The following FAM234A variants were observed in gnomAD, a reference collection of about 807,000 sequenced individuals.
FAM234A encodes the protein family with sequence similarity 234 member A.
Under a neutral mutation model 49.1 loss-of-function variants are expected in FAM234A, and 42 were observed. That is an observed-to-expected ratio of 0.86 (90% CI 0.67 to 1.11). The LOEUF (loss-of-function observed/expected upper bound fraction) is 1.11. FAM234A is among the 50% of genes least tolerant of loss of function. The probability of loss-of-function intolerance (pLI) is 0.00; values close to 1 mark genes in which losing one functional copy is unlikely to be tolerated. For missense variants in FAM234A, 815 were observed against 745.2 expected (o/e 1.09, Z -1.09); for synonymous variants, 369 against 316.2 (o/e 1.17, Z -1.77).
chr16:247,398 G>A, intron 1 of FAM234A, among the ~76,000 whole-genome samples: 1 of 151,624 alleles, frequency 6.6e-6, no homozygotes, highest in South Asian at 2.1e-4. Flanking sequence ...CAAAGTGCTG[G>A]GATTATAGAC....
At chr16:261,792 C>T (rs1056073102) in intron 6 of FAM234A, among the ~76,000 whole-genome samples, 6 of 152,230 alleles carry the variant, frequency 3.9e-5, no homozygotes, top group African/African-American at 1.4e-4. Context: ...GGGCTGGGAG[C>T]ACCTGTGAGG....
chr16:238,986 G>GCAGGAGAGTTGTTTGAACC (rs2050513021), intron 1 of FAM234A, among the ~76,000 whole-genome samples: 1 of 147,316 alleles, frequency 6.8e-6, no homozygotes, highest in Non-Finnish European at 1.5e-5. Flanking sequence ...GGAGGCTGAG[G>GCAGGAGAGTTGTTTGAACC]CAGGAGAGTT....
intron 1 of FAM234A, among the ~76,000 whole-genome samples, chr16:239,259 C>T (rs1054874373): frequency 4.4e-5 from 6 of 137,832 alleles, no homozygotes; most frequent in Non-Finnish European, 4.6e-5. Context: ...GAGATTGCAC[C>T]ACTACATTCC....
At chr16:235,145 CAT>C (rs1210909161) in intron 1 of FAM234A, among the ~76,000 whole-genome samples, 1 of 152,260 alleles carries the variant, frequency 6.6e-6, no homozygotes, top group Non-Finnish European at 1.5e-5. Context: ...AACAAGCCCA[CAT>C]GTTCCTCAAA....
chr16:268,912 T>G, downstream of FAM234A: 6 of 1,550,446 alleles, frequency 3.9e-6, no homozygotes, highest in Non-Finnish European at 5.2e-6. Context: ...GCTGGCTGAT[T>G]TACTGGTTTT....
At chr16:264,474 C>T in intron 11 of FAM234A, 140 bp from the exon 12 acceptor site, 1 of 723,976 alleles carries the variant, frequency 1.4e-6, no homozygotes, top group Non-Finnish European at 2.3e-6. Context: ...GAGGTGGCCA[C>T]AGAACTGGGG....
downstream of FAM234A, chr16:268,633 C>T (rs1303508830): frequency 6.3e-5 from 48 of 760,238 alleles, no homozygotes; most frequent in Admixed American, 5.7e-4. Context: ...GGGGAGGCCG[C>T]GGCCTCGAGG....
chr16:253,501 G>C lies in FAM234A; in HGVS notation c.-33-880G>C, dbSNP rs1447641163. Reference sequence around the variant, plus strand: ...ATTTAATTTTTTTTTTTGAGACGGAGTGTCACTCTGTCGCCCAGGCTGGAG... The same window carrying C: ...ATTTAATTTTTTTTTTTGAGACGGACTGTCACTCTGTCGCCCAGGCTGGAG... On this transcript the variant is annotated intron_variant, in intron 2 of 12. Transcript: ENST00000399932. Among the ~76,000 whole-genome samples, 7 of 151,314 alleles carry C rather than the reference G, an allele frequency of 4.6e-5. No individual in the cohort carries two copies. In the East Asian group the frequency reaches 1.4e-3, roughly 29 times the overall value.
intron 3 of FAM234A, among the ~76,000 whole-genome samples, chr16:257,892 C>A (rs1350353816): frequency 6.6e-6 from 1 of 151,958 alleles, no homozygotes; most frequent in African/African-American, 2.4e-5. Flanking sequence ...GAGTCTCGCT[C>A]TGTCGCCCAG....
rs1042505157 is a variant in FAM234A, at chr16:265,197, T to G, written c.*175T>G. 1 of 1,417,470 alleles carries G rather than the reference T, an allele frequency of 7.1e-7. No individual in the cohort carries two copies. Among genetic ancestry groups the G allele is most frequent in the Non-Finnish European group, 9.2e-7 (1 of 1,089,654 alleles). 87.8% of individuals were successfully genotyped at this position (1,417,470 alleles called of 1,614,324 possible). A position where few individuals can be genotyped will look rare whatever the true frequency, so the allele number is the denominator to read the frequency against. On this transcript the variant is annotated 3_prime_UTR_variant, in exon 13 of 13. Coordinates refer to ENST00000399932, the MANE Select transcript of FAM234A (RefSeq NM_032039.4). ...CCATGATCACACCCAGGGACCTGCA[T>G]GGGTGAGGGGACACCCTGGGCCTCT...
In FAM234A at chr16:261,403, C is replaced by G. The variant is rs1468063267; in HGVS notation, c.597C>G (p.His199Gln). The G allele has an allele frequency of 6.2e-7, 1 of 1,612,574 alleles. No individual in the cohort carries two copies. Among genetic ancestry groups the G allele is most frequent in the Non-Finnish European group, 8.5e-7 (1 of 1,179,094 alleles). ...TTCTAGGGGAAACCCTGTGGAACCACAGCAGCAGCTTCAGCGGGAATGCGT... is the reference window on the plus strand; with the variant it reads ...TTCTAGGGGAAACCCTGTGGAACCAGAGCAGCAGCTTCAGCGGGAATGCGT... The part of the protein sequence containing the change: ...NLFTGETLWN[H>Q]SSSFSGNASI... Residue 199 changes from histidine to glutamine, a missense_variant, in exon 6 of 13, where the codon CAC (histidine) becomes CAG (glutamine). By Grantham distance (24) the His-to-Gln change is conservative (BLOSUM62 0). Transcript: ENST00000399932.
At chr16:244,763 C>G (rs2141207545) in intron 1 of FAM234A, among the ~76,000 whole-genome samples, 1 of 147,574 alleles carries the variant, frequency 6.8e-6, no homozygotes, top group East Asian at 2.0e-4. Context: ...ATCTTGGCCA[C>G]TGCACCCTCT....
At chr16:263,125 T>C in intron 8 of FAM234A, 137 bp from the exon 9 acceptor site, 1 of 1,124,096 alleles carries the variant, frequency 8.9e-7, no homozygotes, top group Non-Finnish European at 1.3e-6. Flanking sequence ...GCTCTTCTCT[T>C]TTCAAGCTGT....
chr16:268,638 T>A (rs2141394615), downstream of FAM234A: 23 of 822,664 alleles, frequency 2.8e-5, 1 homozygote, highest in Middle Eastern at 3.4e-4. Context: ...GGCCGCGGCC[T>A]CGAGGTGGGA....
At chr16:267,864 C>A (rs944468802), downstream of FAM234A, among the ~76,000 whole-genome samples, 9 of 147,976 alleles carry the variant, frequency 6.1e-5, no homozygotes, top group Non-Finnish European at 1.0e-4. Flanking sequence ...CTCAGTGCTA[C>A]ACATGCATCC....
chr16:249,964 T>G (rs1315766185), intron 2 of FAM234A, among the ~76,000 whole-genome samples: 3 of 152,054 alleles, frequency 2.0e-5, no homozygotes, highest in Admixed American at 6.5e-5. Flanking sequence ...TTTTTCTTTT[T>G]AGACGGAGTC....
At chr16:267,757 TACAC>T (rs140835273), downstream of FAM234A, among the ~76,000 whole-genome samples, 413 of 134,766 alleles carry the variant, frequency 3.1e-3, 11 homozygotes, top group East Asian at 0.07. Flanking sequence ...ACATGCCTCA[TACAC>T]ACAACACGTG....
intron 1 of FAM234A, among the ~76,000 whole-genome samples, chr16:239,985 C>G (rs2050554627): frequency 6.6e-6 from 1 of 152,144 alleles, no homozygotes; most frequent in African/African-American, 2.4e-5. Flanking sequence ...AGAGAAATAG[C>G]TGCTTGCTGT....
intron 11 of FAM234A, 56 bp from the exon 12 acceptor site, chr16:264,557 TG>T (rs2051615627): frequency 1.8e-6 from 2 of 1,116,310 alleles, no homozygotes; most frequent in South Asian, 1.3e-5. Flanking sequence ...CTGACAGCAG[TG>T]TCCTGTGGGA....
Sources: allele counts gnomAD v4.1 joint callset (sites outside exome capture counted in the v4.1 genomes callset), GRCh38; gene constraint gnomAD v4.1.1; transcripts MANE v1.5; gene names NCBI Gene and HGNC (gene_info 2026-07-23, HGNC 2026-07-21).